The following IL23R variants were observed in gnomAD, a reference collection of about 807,000 sequenced individuals.
IL23R encodes interleukin-23 receptor.
In IL23R, 34 loss-of-function variants were observed where a neutral mutation model predicts 56.9. That is an observed-to-expected ratio of 0.60 (90% confidence interval 0.45 to 0.80). The LOEUF is 0.80. IL23R is among the 30% of genes least tolerant of loss of function. The probability of loss-of-function intolerance (pLI) is 0.00; values close to 1 mark genes in which losing one functional copy is unlikely to be tolerated. For synonymous variants in IL23R, 230 were observed against 249.2 expected, an observed-to-expected ratio of 0.92 and a Z score of 0.73; for missense variants, 635 against 730.0, an observed-to-expected ratio of 0.87 and a Z score of 1.50.
chr1:67,158,215 CAAA>C (rs200105938), intron 1 of IL23R, among the ~76,000 whole-genome samples: 1 of 129,978 alleles, frequency 7.7e-6, no homozygotes, highest in Non-Finnish European at 1.7e-5. Flanking sequence ...GACTCCATGT[CAAA>C]AAAAAAAAAA....
At chr1:67,201,551 C>CAAAAAAAAAA (rs1231175917) in intron 5 of IL23R, among the ~76,000 whole-genome samples, 1 of 85,382 alleles carries the variant, frequency 1.2e-5, no homozygotes, top group African/African-American at 3.8e-5. Context: ...CTAGGGAAGG[C>CAAAAAAAAAA]AAAAAAAAAA....
At chr1:67,185,306 G>A (rs1647263788) in intron 4 of IL23R, among the ~76,000 whole-genome samples, 5 of 152,144 alleles carry the variant, frequency 3.3e-5, no homozygotes, top group Admixed American at 3.3e-4. Flanking sequence ...CTTATTTTCT[G>A]CTGAAGGTGT....
intron 6 of IL23R, among the ~76,000 whole-genome samples, chr1:67,210,135 G>A (rs1274065620): frequency 3.3e-5 from 5 of 152,128 alleles, no homozygotes; most frequent in African/African-American, 1.2e-4. Context: ...ATGATAATCC[G>A]AGTAAAAATG....
chr1:67,219,987 C>T (rs943242309), intron 7 of IL23R, among the ~76,000 whole-genome samples: 1 of 152,080 alleles, frequency 6.6e-6, no homozygotes, highest in African/African-American at 2.4e-5. Flanking sequence ...AGTAGGATTG[C>T]GTGAGCCCGG....
At chr1:67,219,183 A>G (rs1344747394) in intron 6 of IL23R, among the ~76,000 whole-genome samples, 1 of 152,160 alleles carries the variant, frequency 6.6e-6, no homozygotes, top group African/African-American at 2.4e-5. Flanking sequence ...CCTGGCCAAC[A>G]TGATGATACC....
At chr1:67,220,354 G>C (rs1650160985) in intron 7 of IL23R, among the ~76,000 whole-genome samples, 1 of 151,552 alleles carries the variant, frequency 6.6e-6, no homozygotes, top group African/African-American at 2.4e-5. Context: ...GGCCAAGAGA[G>C]AGAGACTTGG....
At chr1:67,207,160 CTGAT>C (rs771456425) in intron 6 of IL23R, 105 bp downstream of exon 6, 38 of 1,229,382 alleles carry the variant, frequency 3.1e-5, no homozygotes, top group Non-Finnish European at 4.3e-5. Flanking sequence ...TGTTTTTAAT[CTGAT>C]TGTTTGCATG....
chr1:67,243,210 T>A (rs1651966935), intron 9 of IL23R, among the ~76,000 whole-genome samples: 5 of 152,218 alleles, frequency 3.3e-5, no homozygotes, highest in Admixed American at 1.3e-4. Context: ...ATAGCACTGA[T>A]AACTGATGGG....
intron 6 of IL23R, among the ~76,000 whole-genome samples, chr1:67,214,512 G>A (rs1031557497): frequency 6.6e-6 from 1 of 152,200 alleles, no homozygotes; most frequent in African/African-American, 2.4e-5. Flanking sequence ...CAAAGAGAAG[G>A]TTTTGAAAAG....
At chr1:67,180,248 G>A (rs879096869) in intron 3 of IL23R, among the ~76,000 whole-genome samples, 1 of 152,134 alleles carries the variant, frequency 6.6e-6, no homozygotes, top group Non-Finnish European at 1.5e-5. Flanking sequence ...ATTGTGTGGG[G>A]AGTCTAAGTC....
intron 10 of IL23R, among the ~76,000 whole-genome samples, chr1:67,257,258 C>T (rs2100392649): frequency 6.6e-6 from 1 of 152,248 alleles, no homozygotes; most frequent in East Asian, 1.9e-4. Context: ...AAACAACAAA[C>T]ATTTATTTGT....
intron 1 of IL23R, among the ~76,000 whole-genome samples, chr1:67,153,663 G>A (rs928319800): frequency 1.3e-5 from 2 of 152,070 alleles, no homozygotes; most frequent in Non-Finnish European, 2.9e-5. Context: ...TTCTCATTGC[G>A]TTCAAAGAAC....
downstream of IL23R, among the ~76,000 whole-genome samples, chr1:67,260,893 A>G (rs545421551): frequency 2.0e-5 from 3 of 152,296 alleles, no homozygotes; most frequent in African/African-American, 7.2e-5. Flanking sequence ...CTAAAAAATA[A>G]ATAAATATTC....
intron 1 of IL23R, among the ~76,000 whole-genome samples, chr1:67,161,113 C>CTCTA (rs769383176): frequency 2.0e-5 from 3 of 152,134 alleles, no homozygotes; most frequent in Non-Finnish European, 4.4e-5. Context: ...GTCACTGAGG[C>CTCTA]TCTAGGTCAA....
intron 9 of IL23R, among the ~76,000 whole-genome samples, chr1:67,245,579 A>C (rs1248390622): frequency 1.3e-5 from 2 of 152,022 alleles, no homozygotes; most frequent in Non-Finnish European, 2.9e-5. Flanking sequence ...TGTGGTTTTC[A>C]TCATTAGTTC....
chr1:67,160,045 G>T (rs1646804861), intron 1 of IL23R, among the ~76,000 whole-genome samples: 1 of 152,042 alleles, frequency 6.6e-6, no homozygotes, highest in South Asian at 2.1e-4. Flanking sequence ...TACAGATGAG[G>T]TTTCACCATG....
chr1:67,243,661 A>G (rs1198203378), intron 9 of IL23R, among the ~76,000 whole-genome samples: 4 of 152,224 alleles, frequency 2.6e-5, no homozygotes, highest in Non-Finnish European at 5.9e-5. Flanking sequence ...ATGGCTGCAT[A>G]GTATTCAATG....
chr1:67,204,309 C>T (rs1445283120), intron 5 of IL23R, among the ~76,000 whole-genome samples: 1 of 152,108 alleles, frequency 6.6e-6, no homozygotes, highest in East Asian at 1.9e-4. Context: ...ATGATCGGCC[C>T]GCCTCGACCT....
At chr1:67,206,770 C>T in intron 5 of IL23R, 140 bp from the exon 6 acceptor site, 1 of 938,762 alleles carries the variant, frequency 1.1e-6, no homozygotes, top group Non-Finnish European at 1.6e-6. Context: ...AGAAAATGTC[C>T]ATAATTGTTC....
Sources: allele counts gnomAD v4.1 joint callset (sites outside exome capture counted in the v4.1 genomes callset), GRCh38; gene constraint gnomAD v4.1.1; transcripts MANE v1.5; gene names NCBI Gene and HGNC (gene_info 2026-07-23, HGNC 2026-07-21).